The following VPREB3 variants were observed in gnomAD, a reference collection of about 807,000 sequenced individuals.
The protein encoded by VPREB3 is V-set pre-B cell surrogate light chain 3.
Under a neutral mutation model 12.9 loss-of-function variants are expected in VPREB3, and 14 were observed. The ratio of observed to expected loss-of-function variants is 1.09; its 90% CI spans 0.72 to 1.70. The LOEUF is 1.70. Ranked by LOEUF, VPREB3 falls within the 40% of genes most tolerant of loss-of-function variation. VPREB3 has a pLI of 0.00. For synonymous variants in VPREB3, 78 were observed against 70.1 expected (o/e 1.11, Z -0.56); for missense variants, 165 against 159.6 (o/e 1.03, Z -0.18).
chr22:23,754,000 A>G (rs1925437599), intron 1 of VPREB3, among the ~76,000 whole-genome samples: 1 of 152,080 alleles, frequency 6.6e-6, no homozygotes, highest in African/African-American at 2.4e-5. Context: ...CCTGACCAAC[A>G]TGAAGAAACC....
Position 23,754,307 on chromosome 22 carries a change from A to T in VPREB3, c.49+8T>A. ...CACCCAGGTGACTGAGGCCCAGGAA[A>T]GATTCACCTGACAGGAAGGTCCCCA... On this transcript the variant is annotated splice_region_variant and intron_variant, in intron 1 of 1. Transcript: ENST00000248948. The T allele has an allele frequency of 1.3e-6, 2 of 1,599,780 alleles. No homozygotes were observed. The highest frequency in any genetic ancestry group is 1.7e-6 in the Non-Finnish European group (2 of 1,173,354).
Position 23,753,153 on chromosome 22 carries a change from G to T in VPREB3, c.95C>A (p.Pro32Gln). 2 of 1,610,974 alleles carry T rather than the reference G, an allele frequency of 1.2e-6. No individual in the cohort carries two copies. The highest frequency in any genetic ancestry group is 1.7e-6 in the Non-Finnish European group (2 of 1,178,724). The change falls in exon 2 of 2, where the codon CCA becomes CAA. Residue 32 changes from proline (P) to glutamine (Q), a missense_variant. Physicochemically the swap from Pro to Gln is moderately conservative, Grantham distance 76. Coordinates refer to ENST00000248948, the MANE Select transcript of VPREB3 (RefSeq NM_013378.3). ...LAQLDALLVFPGQVAQLSCTL... is the reference protein window; with the variant it reads ...LAQLDALLVFQGQVAQLSCTL... ...GCAGGAGAGTTGAGCCACTTGGCCT[G>T]GGAAGACCAGCAGTGCATCCAGCTG... is the stretch of plus-strand genomic sequence containing the variant.
In VPREB3 at chr22:23,753,157, A is replaced by G. The variant is rs967637010; in HGVS notation, c.91T>C (p.Phe31Leu). The G allele has an allele frequency of 1.2e-6, 2 of 1,610,570 alleles. No individual in the cohort carries two copies. Among genetic ancestry groups the G allele is most frequent in the Admixed American group, 1.7e-5 (1 of 59,438 alleles). Residue 31 changes from phenylalanine to leucine, a missense_variant, in exon 2 of 2, where the codon TTC (phenylalanine) becomes CTC (leucine). Physicochemically the swap from Phe to Leu is conservative, Grantham distance 22. Coordinates refer to ENST00000248948, the MANE Select transcript of VPREB3 (RefSeq NM_013378.3). ...VLAQLDALLVFPGQVAQLSCT... is the reference protein window; with the variant it reads ...VLAQLDALLVLPGQVAQLSCT... The stretch of plus-strand genomic sequence containing the variant: ...GAGAGTTGAGCCACTTGGCCTGGGA[A>G]GACCAGCAGTGCATCCAGCTGGGCC...
chr22:23,752,848 G>A lies in VPREB3; in HGVS notation c.*28C>T. 1.3e-6 allele frequency: 2 copies of A among 1,586,952 alleles called. No homozygotes were observed. The highest frequency in any genetic ancestry group is 1.7e-6 in the Non-Finnish European group (2 of 1,161,736). On this transcript the variant is annotated 3_prime_UTR_variant, in exon 2 of 2. Transcript: ENST00000248948. ...GTCAGGGGCAGAAATGGGAGGCAGA[G>A]GGGAGGCACCCATCTCACACCCCAC... is the stretch of plus-strand genomic sequence containing the variant.
Position 23,753,150 on chromosome 22 carries a change from C to T in VPREB3, c.98G>A (p.Gly33Asp), listed in dbSNP as rs184593742. The T allele has an allele frequency of 2.5e-4, 396 of 1,611,222 alleles. 7 individuals carry two copies. In the East Asian group the frequency reaches 4.9e-3, roughly 20 times the overall value. Residue 33 changes from glycine (G) to aspartate (D), a missense_variant, in exon 2 of 2, where the codon GGC becomes GAC. Coordinates refer to ENST00000248948, the MANE Select transcript of VPREB3 (RefSeq NM_013378.3). ...AQLDALLVFP[G>D]QVAQLSCTLS... is the part of the protein sequence containing the mutation. The stretch of plus-strand genomic sequence containing the variant: ...CGTGCAGGAGAGTTGAGCCACTTGG[C>T]CTGGGAAGACCAGCAGTGCATCCAG...
At chr22:23,753,542 G>T (rs1422208030) in intron 1 of VPREB3, among the ~76,000 whole-genome samples, 2 of 152,180 alleles carry the variant, frequency 1.3e-5, no homozygotes, top group East Asian at 3.9e-4. Flanking sequence ...CTGCAGAACT[G>T]CACCCCTCTC....
chr22:23,753,260 T>C, intron 1 of VPREB3, 62 bp from the exon 2 acceptor site: 1 of 1,474,424 alleles, frequency 6.8e-7, no homozygotes, highest in Non-Finnish European at 9.1e-7. Context: ...CTGTGAAGGC[T>C]TGGTTGGACT....
intron 1 of VPREB3, 117 bp from the exon 2 acceptor site, chr22:23,753,315 GGGATT>G: frequency 9.0e-7 from 1 of 1,114,150 alleles, no homozygotes; most frequent in Non-Finnish European, 1.3e-6. Context: ...CCAGTGCTAT[GGGATT>G]AGCAATGAAC....
At chr22:23,754,045 T>A (rs1925439371) in intron 1 of VPREB3, among the ~76,000 whole-genome samples, 1 of 152,028 alleles carries the variant, frequency 6.6e-6, no homozygotes. Context: ...TAGCCAGGCG[T>A]GGTGGCGCAT....
In VPREB3 at chr22:23,752,941, T is replaced by G; in HGVS notation, c.307A>C (p.Ser103Arg). The change falls in exon 2 of 2, where the codon AGT becomes CGT. Residue 103 changes from serine to arginine, a missense_variant. By Grantham distance (110) the Ser-to-Arg change is moderately radical (BLOSUM62 -1). Coordinates refer to ENST00000248948, the MANE Select transcript of VPREB3 (RefSeq NM_013378.3). ...GCGTCGTCTTCAGGCTGCACGGGAC[T>G]AATGGTGAGGACACAGGCATTGTGG... The part of the protein sequence containing the change: ...EAHNACVLTI[S>R]PVQPEDDADY... 6.2e-7 allele frequency: 1 copy of G among 1,614,108 alleles called. No individual in the cohort carries two copies.
In VPREB3 at chr22:23,752,992, G is replaced by T. The variant is rs375055526; in HGVS notation, c.256C>A (p.Arg86=). Residue 86 remains arginine, a synonymous_variant, in exon 2 of 2, where the codon CGA becomes AGA. Transcript: ENST00000248948. ...GCCTCATCCTTGGCTGCCGAGAATC[G>T]ATCGGGGATGTCAGCAGGCCGGTGG... ...DHHRPADIPD[R]FSAAKDEAHN... 1.2e-6 allele frequency: 2 copies of T among 1,614,180 alleles called. No homozygotes were observed. Among genetic ancestry groups the T allele is most frequent in the South Asian group, 1.1e-5 (1 of 91,086 alleles).
chr22:23,753,290 CA>C, intron 1 of VPREB3, 92 bp from the exon 2 acceptor site: 2 of 1,315,986 alleles, frequency 1.5e-6, no homozygotes, highest in Non-Finnish European at 2.1e-6. Context: ...CTCCCAGTCC[CA>C]AAGGGCTCAT....
At chr22:23,753,528 T>A (rs1925425821) in intron 1 of VPREB3, among the ~76,000 whole-genome samples, 1 of 152,022 alleles carries the variant, frequency 6.6e-6, no homozygotes, top group African/African-American at 2.4e-5. Context: ...CCACCCACGT[T>A]TCTCTGCAGA....
rs1925448665 is a variant in VPREB3, at chr22:23,754,325, G to A, written c.39C>T (p.Thr13=). The change falls in exon 1 of 2, where the codon ACC becomes ACT. Residue 13 remains threonine (T), a synonymous_variant. Coordinates refer to ENST00000248948, the MANE Select transcript of VPREB3 (RefSeq NM_013378.3). ...CRCLSFLLMG[T]FLSVSQTVLA... ...CCAGGAAAGATTCACCTGACAGGAAGGTCCCCATCAGAAGGAAGCTGAGGC... is the reference window on the plus strand; with the variant it reads ...CCAGGAAAGATTCACCTGACAGGAAAGTCCCCATCAGAAGGAAGCTGAGGC... 6.2e-7 allele frequency: 1 copy of A among 1,607,416 alleles called. No homozygotes were observed. The highest frequency in any genetic ancestry group is 1.7e-5 in the Admixed American group (1 of 59,088).
chr22:23,752,744 G>C lies in VPREB3; in HGVS notation c.*132C>G. ...GGATCTTATGACCCTCACAATAGCT[G>C]TTGTTGACATGTTGAATATTATTAA... On this transcript the variant is annotated 3_prime_UTR_variant, in exon 2 of 2. Transcript: ENST00000248948. The C allele has an allele frequency of 1.1e-6, 1 of 888,548 alleles. No homozygotes were observed. Among genetic ancestry groups the C allele is most frequent in the East Asian group, 2.7e-5 (1 of 37,620 alleles). 55.0% of individuals were successfully genotyped at this position (888,548 alleles called of 1,614,324 possible).
chr22:23,752,979 GC>G lies in VPREB3; in HGVS notation c.268del (p.Ala90ProfsTer39). The stretch of plus-strand genomic sequence containing the variant: ...ACAGGCATTGTGGGCCTCATCCTTG[GC>G]TGCCGAGAATCGATCGGGGATGTCA... ...PADIPDRFSA[A>X]KDEAHNACVL... On this transcript the variant is annotated frameshift_variant, in exon 2 of 2. Transcript: ENST00000248948. LOFTEE classifies it high-confidence loss of function. The G allele has an allele frequency of 1.2e-6, 2 of 1,614,148 alleles. No homozygotes were observed. The highest frequency in any genetic ancestry group is 1.7e-6 in the Non-Finnish European group (2 of 1,180,032).
Position 23,754,178 on chromosome 22 carries a change from G to A in VPREB3, c.49+137C>T, listed in dbSNP as rs147098130. ...GCCTGGGCAACAAGAGCAAAACTCC[G>A]TCTCAAAAAAAAAAAAAATACCCCT... On this transcript the variant is annotated intron_variant, in intron 1 of 1. Transcript: ENST00000248948. The A allele has an allele frequency of 7.6e-3, 6,431 of 842,618 alleles. 230 individuals are homozygous for A. The highest frequency in any genetic ancestry group is 0.065 in the South Asian group (3,925 of 60,240). The allele number at this position is 842,618 out of a possible 1,614,324, so 52.2% of individuals were successfully genotyped here. A position where few individuals can be genotyped will look rare whatever the true frequency, so the allele number is the denominator to read the frequency against.
At position 23,753,175 on chromosome 22, in the gene VPREB3, G is replaced by A; in HGVS notation, c.73C>T (p.Leu25=). Reference sequence around the variant, plus strand: ...CCTGGGAAGACCAGCAGTGCATCCAGCTGGGCCAGGACTGTCTGGGAAACT... The same window carrying A: ...CCTGGGAAGACCAGCAGTGCATCCAACTGGGCCAGGACTGTCTGGGAAACT... ...LSVSQTVLAQ[L]DALLVFPGQV... Residue 25 remains leucine, a synonymous_variant, in exon 2 of 2, where the codon CTG becomes TTG. Coordinates refer to ENST00000248948, the MANE Select transcript of VPREB3 (RefSeq NM_013378.3). 2 of 1,603,636 alleles carry A rather than the reference G, an allele frequency of 1.2e-6. No individual in the cohort carries two copies.
intron 1 of VPREB3, 76 bp from the exon 2 acceptor site, chr22:23,753,274 T>A: frequency 7.1e-7 from 1 of 1,414,026 alleles, no homozygotes; most frequent in African/African-American, 1.4e-5. Context: ...TTGGACTCCA[T>A]GGAGACTCCC....
Sources: allele counts gnomAD v4.1 joint callset (sites outside exome capture counted in the v4.1 genomes callset), GRCh38; gene constraint gnomAD v4.1.1; transcripts MANE v1.5; gene names NCBI Gene and HGNC (gene_info 2026-07-23, HGNC 2026-07-21).